PCDH15: variants seen among roughly 807,000 people sequenced by gnomAD.
PCDH15 encodes protocadherin related 15.
In PCDH15, 129 loss-of-function variants were observed where a neutral mutation model predicts 178.5. The observed-to-expected ratio is 0.72, with a 90% CI of 0.63 to 0.84. The LOEUF is 0.84. Ranked by LOEUF, PCDH15 falls within the 40% of genes least tolerant of loss-of-function variation. The pLI, the probability that PCDH15 is intolerant of heterozygous loss-of-function variation, is 0.00. For missense variants in PCDH15, 2,230 were observed against 2,099.9 expected (o/e 1.06, Z -1.21); for synonymous variants, 800 against 732.0 (o/e 1.09, Z -1.50).
chr10:53,819,941 T>G (rs2076196745), intron 33 of PCDH15, among the ~76,000 whole-genome samples: 1 of 151,934 alleles, frequency 6.6e-6, no homozygotes, highest in African/African-American at 2.4e-5. Context: ...ATAACAAAAC[T>G]TTCAGATTAT....
chr10:54,840,040 T>C (rs1333209960), intron 3 of PCDH15, among the ~76,000 whole-genome samples: 1 of 152,030 alleles, frequency 6.6e-6, no homozygotes, highest in African/African-American at 2.4e-5. Flanking sequence ...GTACTTGCCT[T>C]ATAATAAATG....
intron 1 of PCDH15, among the ~76,000 whole-genome samples, chr10:54,783,123 G>A (rs1030496416): frequency 2.0e-5 from 3 of 152,164 alleles, no homozygotes; most frequent in African/African-American, 7.2e-5. Context: ...TTTCCAGTAA[G>A]AGAACCCATC....
chr10:54,860,848 G>A (rs975809), intron 3 of PCDH15, among the ~76,000 whole-genome samples: 78,699 of 151,926 alleles, frequency 0.52, 20,789 homozygotes, highest in East Asian at 0.82. Flanking sequence ...AACACTGTTT[G>A]GATGAAGCTT....
chr10:55,473,015 G>T (rs746244714), intron 2 of PCDH15, among the ~76,000 whole-genome samples: 12 of 152,078 alleles, frequency 7.9e-5, no homozygotes, highest in Non-Finnish European at 1.2e-4. Context: ...GCAAAAACAT[G>T]ATCTTACAAC....
At chr10:54,455,438 T>C (rs560887789) in intron 3 of PCDH15, among the ~76,000 whole-genome samples, 2 of 152,246 alleles carry the variant, frequency 1.3e-5, no homozygotes, top group Non-Finnish European at 2.9e-5. Flanking sequence ...TATGGACAAC[T>C]AAGTCAATGT....
chr10:54,251,412 C>T (rs1370814377), intron 8 of PCDH15, among the ~76,000 whole-genome samples: 4 of 152,116 alleles, frequency 2.6e-5, no homozygotes, highest in Non-Finnish European at 5.9e-5. Flanking sequence ...CTTACTTCTC[C>T]TGGTTTATTA....
At chr10:54,913,568 T>C (rs1390592308) in intron 2 of PCDH15, among the ~76,000 whole-genome samples, 1 of 152,218 alleles carries the variant, frequency 6.6e-6, no homozygotes, top group Admixed American at 6.5e-5. Flanking sequence ...TTCACATTGG[T>C]GCACTGCTTG....
At chr10:54,629,561 A>G (rs758909949) in intron 2 of PCDH15, among the ~76,000 whole-genome samples, 2 of 152,120 alleles carry the variant, frequency 1.3e-5, no homozygotes, top group African/African-American at 2.4e-5. Context: ...TATGATAAAA[A>G]CCTACAACAA....
At chr10:54,491,533 G>A (rs970671062) in intron 3 of PCDH15, among the ~76,000 whole-genome samples, 3 of 152,084 alleles carry the variant, frequency 2.0e-5, no homozygotes, top group Admixed American at 2.0e-4. Flanking sequence ...AAAGTAATAA[G>A]TTCTTAAGAG....
intron 2 of PCDH15, among the ~76,000 whole-genome samples, chr10:54,646,958 A>G (rs1217126714): frequency 6.6e-6 from 1 of 152,092 alleles, no homozygotes; most frequent in Non-Finnish European, 1.5e-5. Context: ...AAATAGAACT[A>G]CAATATGATC....
At chr10:53,931,478 G>C (rs2085058334) in intron 25 of PCDH15, among the ~76,000 whole-genome samples, 1 of 152,020 alleles carries the variant, frequency 6.6e-6, no homozygotes, top group Admixed American at 6.6e-5. Flanking sequence ...TAGGCTATTG[G>C]GATACATCAA....
At chr10:55,008,617 T>C (rs923835415) in intron 2 of PCDH15, among the ~76,000 whole-genome samples, 1 of 152,042 alleles carries the variant, frequency 6.6e-6, no homozygotes, top group Non-Finnish European at 1.5e-5. Flanking sequence ...CTCAAAGTCA[T>C]TAAAAATGTC....
rs764734944 is a variant in PCDH15, at chr10:55,098,529, G to A, written c.-80+68047C>T. ...GTCAGCAGTTGTGCCAATAGGAAAA[G>A]GCTACCTCAGACTAGACATGTTCAA... On this transcript the variant is annotated intron_variant, in intron 2 of 5. Coordinates refer to the PCDH15 transcript ENST00000458638. Among the ~76,000 whole-genome samples the A allele has an allele frequency of 2.2e-4, 34 of 152,066 alleles. 1 individual carries two copies. The highest frequency in any genetic ancestry group is 3.5e-4 in the Non-Finnish European group (24 of 68,014).
intron 10 of PCDH15, among the ~76,000 whole-genome samples, chr10:54,212,996 A>G (rs1004575680): frequency 6.6e-6 from 1 of 152,186 alleles, no homozygotes; most frequent in African/African-American, 2.4e-5. Flanking sequence ...AAAGCAGCTT[A>G]AACAATGTTC....
intron 3 of PCDH15, among the ~76,000 whole-genome samples, chr10:54,431,008 T>C (rs1956900936): frequency 6.6e-6 from 1 of 152,030 alleles, no homozygotes; most frequent in Non-Finnish European, 1.5e-5. Flanking sequence ...ATGGAAAATC[T>C]AGAGGAAATG....
intron 17 of PCDH15, among the ~76,000 whole-genome samples, chr10:54,070,383 T>C (rs1487574878): frequency 6.6e-6 from 1 of 152,174 alleles, no homozygotes; most frequent in Non-Finnish European, 1.5e-5. Context: ...TTTGTATTTT[T>C]AGTACAGATG....
At chr10:54,468,450 C>T (rs1410786344) in intron 3 of PCDH15, among the ~76,000 whole-genome samples, 2 of 151,702 alleles carry the variant, frequency 1.3e-5, no homozygotes, top group African/African-American at 2.4e-5. Context: ...TGTTTAATTT[C>T]CAAATATTAA....
chr10:54,843,018 C>T (rs1017738368), intron 3 of PCDH15, among the ~76,000 whole-genome samples: 2 of 151,980 alleles, frequency 1.3e-5, no homozygotes, highest in Admixed American at 6.6e-5. Flanking sequence ...AGTCCATCTC[C>T]AGCTTATACG....
chr10:55,613,334 A>G (rs1300387543), intron 2 of PCDH15, among the ~76,000 whole-genome samples: 3 of 152,126 alleles, frequency 2.0e-5, no homozygotes, highest in African/African-American at 7.2e-5. Flanking sequence ...GTATCTGTGA[A>G]TATTCACATT....
Sources: gnomAD v4.1 joint callset for allele counts (sites outside exome capture counted in the v4.1 genomes callset) on GRCh38, gnomAD v4.1.1 for gene constraint, MANE v1.5 for transcripts, NCBI Gene and HGNC (gene_info 2026-07-23, HGNC 2026-07-21) for gene names.